Variants in FRYL observed in about 807,000 individuals in gnomAD.
FRYL encodes the protein FRY like transcription coactivator.
A neutral mutation model predicts 351.2 loss-of-function variants in FRYL; 150 were observed. That is an observed-to-expected ratio of 0.43 (90% CI 0.37 to 0.49). FRYL has a LOEUF of 0.49. FRYL is among the 20% of genes least tolerant of loss of function. FRYL has a pLI of 0.00. For synonymous variants in FRYL, 1,153 were observed against 1,257.1 expected, an observed-to-expected ratio of 0.92 and a Z score of 1.75; for missense variants, 3,036 against 3,619.3, an observed-to-expected ratio of 0.84 and a Z score of 4.13.
At position 48,586,743 on chromosome 4, in the gene FRYL, A is replaced by G; in HGVS notation, c.1641-15T>C. On this transcript the variant is annotated splice_polypyrimidine_tract_variant and intron_variant, in intron 18 of 63. Coordinates refer to ENST00000358350, the MANE Select transcript of FRYL (RefSeq NM_015030.2). ...TTCTTTCCCCCCTGAAAAATACAACAGGATTTAATAAGAAACATATTACAT... is the reference window on the plus strand; with the variant it reads ...TTCTTTCCCCCCTGAAAAATACAACGGGATTTAATAAGAAACATATTACAT... The G allele has an allele frequency of 2.0e-6, 3 of 1,512,858 alleles. No homozygotes were observed. The highest frequency in any genetic ancestry group is 2.7e-6 in the Non-Finnish European group (3 of 1,095,586). The allele number at this position is 1,512,858 out of a possible 1,614,324, so 93.7% of individuals were successfully genotyped here.
At chr4:48,633,220 G>T (rs985529904) in intron 4 of FRYL, among the ~76,000 whole-genome samples, 1 of 152,114 alleles carries the variant, frequency 6.6e-6, no homozygotes, top group Non-Finnish European at 1.5e-5. Flanking sequence ...GTTACTTCCT[G>T]TAATTATATC....
chr4:48,770,982 TTTTG>T (rs1775454540), intron 1 of FRYL, among the ~76,000 whole-genome samples: 4 of 152,314 alleles, frequency 2.6e-5, no homozygotes, highest in South Asian at 2.1e-4. Flanking sequence ...ACAGTTCTTT[TTTTG>T]TTTGTTTTTT....
chr4:48,542,256 T>A (rs905233486), intron 44 of FRYL, 135 bp from the exon 45 acceptor site: 2 of 658,020 alleles, frequency 3.0e-6, no homozygotes, highest in Non-Finnish European at 5.4e-6. Context: ...AGCAACATGA[T>A]CTTGCTGATT....
Position 48,557,660 on chromosome 4 carries a change from C to G in FRYL, c.3918G>C (p.Leu1306=). The stretch of plus-strand genomic sequence containing the variant: ...TGTTCATCCATGGTAGCAGGTAGTG[C>G]AGCATCACCTGCCGCCCAGCAGGGT... ...TAHPAGRQVM[L]HYLLPWMNNI... The change falls in exon 34 of 64, where the codon CTG becomes CTC. Residue 1306 remains leucine, a synonymous_variant. Coordinates refer to ENST00000358350, the MANE Select transcript of FRYL (RefSeq NM_015030.2). 6.2e-7 allele frequency: 1 copy of G among 1,614,162 alleles called. No homozygotes were observed. The highest frequency in any genetic ancestry group is 8.5e-7 in the Non-Finnish European group (1 of 1,180,022).
chr4:48,589,787 G>A lies in FRYL; in HGVS notation c.1598C>T (p.Thr533Ile). The A allele has an allele frequency of 6.2e-7, 1 of 1,613,796 alleles. No homozygotes were observed. Among genetic ancestry groups the A allele is most frequent in the Non-Finnish European group, 8.5e-7 (1 of 1,179,742 alleles). The stretch of plus-strand genomic sequence containing the variant: ...CTCCTTATTAGACATCTGCACACTG[G>A]TCATACACATTGGTCTCCCAACTTC... The part of the protein sequence containing the change: ...DKEVGRPMCM[T>I]SVQMSNKEPE... Residue 533 changes from threonine (T) to isoleucine (I), a missense_variant, in exon 18 of 64, where the codon ACC becomes ATC. By Grantham distance (89) the Thr-to-Ile change is moderately conservative. This residue lies in a region of FRYL where 78 missense variants were observed against 106.6 expected (regional missense o/e 0.73). Coordinates refer to ENST00000358350, the MANE Select transcript of FRYL (RefSeq NM_015030.2).
chr4:48,678,733 A>G (rs1416494369), intron 3 of FRYL, among the ~76,000 whole-genome samples: 2 of 152,090 alleles, frequency 1.3e-5, no homozygotes, highest in East Asian at 3.9e-4. Context: ...GTTATTCCAC[A>G]AAGAACCTGT....
intron 25 of FRYL, chr4:48,574,318 A>AT (rs1311012289): frequency 1.3e-5 from 2 of 152,070 alleles, no homozygotes; most frequent in South Asian, 2.1e-4. Flanking sequence ...TTTAAATCCT[A>AT]TTTTTTTCAA....
intron 8 of FRYL, among the ~76,000 whole-genome samples, chr4:48,609,465 T>C (rs1041815105): frequency 6.6e-6 from 1 of 151,884 alleles, no homozygotes; most frequent in African/African-American, 2.4e-5. Flanking sequence ...TACAAAAAAA[T>C]ACAAAAATTA....
chr4:48,644,900 C>G (rs58976855), intron 3 of FRYL, among the ~76,000 whole-genome samples: 2,678 of 151,066 alleles, frequency 0.018, 77 homozygotes, highest in African/African-American at 0.062. Flanking sequence ...ATAAACAAGA[C>G]AAAGTTGGAG....
intron 3 of FRYL, among the ~76,000 whole-genome samples, chr4:48,641,052 T>G (rs1220336372): frequency 6.6e-6 from 1 of 152,150 alleles, no homozygotes. Context: ...AAATCAGTAT[T>G]GGGGAATAAT....
At chr4:48,658,584 CAAAAAAAAA>C (rs11388062) in intron 3 of FRYL, among the ~76,000 whole-genome samples, 13 of 95,894 alleles carry the variant, frequency 1.4e-4, no homozygotes, top group Non-Finnish European at 2.4e-4. Flanking sequence ...CAAAAAAATA[CAAAAAAAAA>C]AAAAAAAAAA....
chr4:48,672,207 A>G (rs946598261), intron 3 of FRYL, among the ~76,000 whole-genome samples: 1 of 152,242 alleles, frequency 6.6e-6, no homozygotes, highest in Admixed American at 6.5e-5. Flanking sequence ...GAGGTTAACT[A>G]GTCTAGAGCG....
At chr4:48,609,093 A>G (rs376803787) in intron 8 of FRYL, 26 bp from the exon 9 acceptor site, 78 of 1,401,936 alleles carry the variant, frequency 5.6e-5, no homozygotes, top group Non-Finnish European at 7.5e-5. Flanking sequence ...AACAAACATA[A>G]CATTTCATTA....
At chr4:48,568,560 T>C (rs1339394344) in intron 27 of FRYL, among the ~76,000 whole-genome samples, 2 of 152,146 alleles carry the variant, frequency 1.3e-5, no homozygotes, top group Non-Finnish European at 2.9e-5. Context: ...CTAATATATA[T>C]TATTTTAAAG....
chr4:48,683,553 T>A (rs1292262217), intron 3 of FRYL, among the ~76,000 whole-genome samples: 1 of 152,146 alleles, frequency 6.6e-6, no homozygotes, highest in Non-Finnish European at 1.5e-5. Flanking sequence ...ATCCTTTCCA[T>A]GTAAAGCATT....
intron 2 of FRYL, among the ~76,000 whole-genome samples, chr4:48,695,132 C>G (rs34020775): frequency 1.3e-5 from 2 of 151,964 alleles, no homozygotes; most frequent in South Asian, 4.1e-4. Context: ...GGAGAAAATG[C>G]GTAAGAATCA....
At chr4:48,569,041 A>G (rs554313360) in intron 27 of FRYL, among the ~76,000 whole-genome samples, 1 of 152,358 alleles carries the variant, frequency 6.6e-6, no homozygotes, top group Non-Finnish European at 1.5e-5. Flanking sequence ...CTTCAAAACA[A>G]AATACACAAC....
intron 35 of FRYL, among the ~76,000 whole-genome samples, chr4:48,554,821 C>T (rs1733727868): frequency 6.6e-6 from 1 of 152,180 alleles, no homozygotes; most frequent in Non-Finnish European, 1.5e-5. Flanking sequence ...ACACTCCCAA[C>T]CCTAATCCTA....
chr4:48,638,771 G>T (rs1423332498), intron 3 of FRYL, among the ~76,000 whole-genome samples: 1 of 152,174 alleles, frequency 6.6e-6, no homozygotes, highest in African/African-American at 2.4e-5. Flanking sequence ...GGAATACTAT[G>T]CAGCCATAAA....
Sources: allele counts gnomAD v4.1 joint callset (sites outside exome capture counted in the v4.1 genomes callset), GRCh38; gene constraint gnomAD v4.1.1; regional missense constraint gnomAD v4.1.1; transcripts MANE v1.5; gene names NCBI Gene and HGNC (gene_info 2026-07-23, HGNC 2026-07-21).